The following STXBP5L variants were observed in gnomAD, a reference collection of about 807,000 sequenced individuals.
STXBP5L encodes the protein syntaxin-binding protein 5-like.
In STXBP5L, 65 loss-of-function variants were observed where a neutral mutation model predicts 144.5. That is an observed-to-expected ratio of 0.45 (90% CI 0.37 to 0.55). The LOEUF (loss-of-function observed/expected upper bound fraction) is 0.55, where lower values mean the gene tolerates loss of function less well. Among genes scored for constraint, STXBP5L ranks in the 20% least tolerant of loss-of-function variants. The pLI is 0.00. For synonymous variants in STXBP5L, 505 were observed against 469.6 expected, an observed-to-expected ratio of 1.08 and a Z score of -0.97; for missense variants, 1,298 against 1,405.5, an observed-to-expected ratio of 0.92 and a Z score of 1.22.
chr3:121,114,658 A>G (rs1295137428), intron 5 of STXBP5L, among the ~76,000 whole-genome samples: 1 of 152,200 alleles, frequency 6.6e-6, no homozygotes, highest in Admixed American at 6.5e-5. Context: ...AAACAGAAAT[A>G]CATATCTGTC....
intron 5 of STXBP5L, among the ~76,000 whole-genome samples, chr3:121,094,309 C>A (rs1217641628): frequency 6.6e-6 from 1 of 151,988 alleles, no homozygotes; most frequent in East Asian, 1.9e-4. Context: ...AGAGCTGAGT[C>A]CAATTCCTGG....
intron 18 of STXBP5L, among the ~76,000 whole-genome samples, chr3:121,277,577 A>T (rs2050924161): frequency 6.6e-6 from 1 of 151,400 alleles, no homozygotes; most frequent in Non-Finnish European, 1.5e-5. Flanking sequence ...ATTATTTTCC[A>T]TCTGCTAGTT....
rs992919619 is a variant in STXBP5L at position 120,983,223 on chromosome 3, C to T, written c.287+28186C>T. On this transcript the variant is annotated intron_variant, in intron 3 of 26. Transcript: ENST00000471454. ...AACACAGGCGTCTGGGGTCTGGCCT[C>T]TCAGAGTGGTGCTGGCTTCAGTGGA... Among the ~76,000 whole-genome samples the T allele has an allele frequency of 1.8e-4, 28 of 152,006 alleles. 1 individual carries two copies. The highest frequency in any genetic ancestry group is 6.8e-4 in the African/African-American group (28 of 41,388).
At chr3:121,014,914 A>G in intron 3 of STXBP5L, among the ~76,000 whole-genome samples, 1 of 152,116 alleles carries the variant, frequency 6.6e-6, no homozygotes, top group East Asian at 1.9e-4. Flanking sequence ...AATTAACTTT[A>G]ATATTGATAA....
At chr3:121,344,761 G>T (rs547613079) in intron 20 of STXBP5L, among the ~76,000 whole-genome samples, 2 of 151,774 alleles carry the variant, frequency 1.3e-5, no homozygotes, top group Non-Finnish European at 2.9e-5. Flanking sequence ...AGAAGTAGAA[G>T]GAAGAGGAAT....
In STXBP5L at chr3:121,287,552, C is replaced by T. The variant is rs749572130; in HGVS notation, c.2110+7596C>T. Among the ~76,000 whole-genome samples, 57 of 151,212 alleles carry T rather than the reference C, an allele frequency of 3.8e-4. 1 individual carries two copies. The highest frequency in any genetic ancestry group is 6.9e-3 in the Middle Eastern group (2 of 290). ...ACGAAAGACCCACACATTGATGGGC[C>T]GGGCGCGGTGGCTCATGCCTGTAAT... On this transcript the variant is annotated intron_variant, in intron 19 of 26. Coordinates refer to ENST00000471454, the MANE Select transcript of STXBP5L (RefSeq NM_001308330.2).
Position 121,054,674 on chromosome 3 carries a change from G to A in STXBP5L, c.470+9139G>A, listed in dbSNP as rs184924838. Reference sequence around the variant, plus strand: ...TTAATGGGTGCAGCACACCAACATGGCATATGTATACATATGTAACAAACC... The same window carrying A: ...TTAATGGGTGCAGCACACCAACATGACATATGTATACATATGTAACAAACC... On this transcript the variant is annotated intron_variant, in intron 5 of 26. Transcript: ENST00000471454. Among the ~76,000 whole-genome samples the A allele has an allele frequency of 1.1e-3, 163 of 151,794 alleles. 1 individual carries two copies. Among genetic ancestry groups the A allele is most frequent in the Non-Finnish European group, 1.9e-3 (127 of 67,912 alleles).
At chr3:121,224,288 A>G (rs1248659961) in intron 11 of STXBP5L, among the ~76,000 whole-genome samples, 1 of 152,174 alleles carries the variant, frequency 6.6e-6, no homozygotes, top group Non-Finnish European at 1.5e-5. Flanking sequence ...GAGTTCCACT[A>G]TTATATGTAT....
chr3:121,276,335 C>T (rs992529906), intron 18 of STXBP5L, among the ~76,000 whole-genome samples: 5 of 151,882 alleles, frequency 3.3e-5, no homozygotes, highest in African/African-American at 1.2e-4. Flanking sequence ...AAATTTACTT[C>T]CATATGTTAT....
At chr3:121,024,684 A>G (rs1301068106) in intron 3 of STXBP5L, among the ~76,000 whole-genome samples, 3 of 152,198 alleles carry the variant, frequency 2.0e-5, no homozygotes, top group African/African-American at 4.8e-5. Flanking sequence ...TTAATTTGCA[A>G]CACTCAAGTA....
chr3:121,197,802 A>G (rs1464864528), intron 9 of STXBP5L, among the ~76,000 whole-genome samples: 4 of 152,090 alleles, frequency 2.6e-5, no homozygotes, highest in Middle Eastern at 3.2e-3. Context: ...AGCTTCATCT[A>G]TGTCCCGGCA....
At chr3:121,231,894 G>T (rs2049321531) in intron 11 of STXBP5L, among the ~76,000 whole-genome samples, 1 of 152,116 alleles carries the variant, frequency 6.6e-6, no homozygotes, top group African/African-American at 2.4e-5. Flanking sequence ...AATCAAACAA[G>T]ACAAACCACA....
intron 20 of STXBP5L, among the ~76,000 whole-genome samples, chr3:121,343,006 C>G (rs2044784144): frequency 6.6e-6 from 1 of 151,498 alleles, no homozygotes; most frequent in South Asian, 2.1e-4. Context: ...TCTCCAGCAC[C>G]TGCTGTTTCC....
chr3:121,138,208 G>A (rs1218117097), intron 7 of STXBP5L, among the ~76,000 whole-genome samples: 1 of 151,968 alleles, frequency 6.6e-6, no homozygotes, highest in Non-Finnish European at 1.5e-5. Flanking sequence ...TTAAGGAGGT[G>A]AAAGGAGGTC....
intron 9 of STXBP5L, among the ~76,000 whole-genome samples, chr3:121,163,004 A>AAATTAGTT: frequency 6.6e-6 from 1 of 152,198 alleles, no homozygotes; most frequent in African/African-American, 2.4e-5. Context: ...ATTGTGGAAG[A>AAATTAGTT]CAGTCTGGCG....
intron 5 of STXBP5L, among the ~76,000 whole-genome samples, chr3:121,094,261 G>C (rs1359118203): frequency 1.3e-5 from 2 of 152,136 alleles, no homozygotes; most frequent in South Asian, 4.1e-4. Flanking sequence ...GATTTGGGGT[G>C]GAGAGTTCTG....
intron 19 of STXBP5L, among the ~76,000 whole-genome samples, chr3:121,311,207 G>A (rs1030024982): frequency 2.6e-5 from 4 of 152,164 alleles, no homozygotes; most frequent in Non-Finnish European, 5.9e-5. Context: ...GATTTTAAGA[G>A]ACTATTACCT....
At chr3:121,262,273 A>T (rs147229081) in intron 18 of STXBP5L, among the ~76,000 whole-genome samples, 2 of 152,352 alleles carry the variant, frequency 1.3e-5, no homozygotes, top group African/African-American at 4.8e-5. Flanking sequence ...TGATTCTAAT[A>T]GCTCCAAAAG....
intron 5 of STXBP5L, among the ~76,000 whole-genome samples, chr3:121,055,071 C>A (rs1049713935): frequency 6.6e-6 from 1 of 152,066 alleles, no homozygotes; most frequent in Non-Finnish European, 1.5e-5. Flanking sequence ...AGCAAGCTGA[C>A]AGATTTGAGA....
Sources: allele counts gnomAD v4.1 joint callset (sites outside exome capture counted in the v4.1 genomes callset), GRCh38; gene constraint gnomAD v4.1.1; transcripts MANE v1.5; gene names NCBI Gene and HGNC (gene_info 2026-07-23, HGNC 2026-07-21).